ATR: variants seen among roughly 807,000 people sequenced by gnomAD.
ATR encodes ATR checkpoint kinase.
ATR carries 142 observed loss-of-function variants against 305.3 expected under a neutral mutation model. The ratio of observed to expected loss-of-function variants is 0.47; its 90% CI spans 0.41 to 0.53. The LOEUF (loss-of-function observed/expected upper bound fraction) is 0.53, where lower values mean the gene tolerates loss of function less well. Among genes scored for constraint, ATR ranks in the 20% least tolerant of loss-of-function variants. The probability of loss-of-function intolerance (pLI) is 0.00; values close to 1 mark genes in which losing one functional copy is unlikely to be tolerated. For missense variants in ATR, 2,135 were observed against 3,133.1 expected (o/e 0.68, Z 7.60); for synonymous variants, 1,050 against 1,068.1 (o/e 0.98, Z 0.33).
chr3:142,478,521 GT>G (rs1202497486), intron 36 of ATR, among the ~76,000 whole-genome samples: 1 of 152,022 alleles, frequency 6.6e-6, no homozygotes, highest in Non-Finnish European at 1.5e-5. Flanking sequence ...TATGTGGTCA[GT>G]TTTGGAATAG....
chr3:142,572,626 T>A (rs1260333454), intron 1 of ATR, among the ~76,000 whole-genome samples: 2 of 151,336 alleles, frequency 1.3e-5, no homozygotes, highest in Non-Finnish European at 2.9e-5. Context: ...AATAGAAAAA[T>A]GAGCAGGTAT....
rs543176758 is a variant in ATR, at chr3:142,569,839, G to A, written c.60-1685C>T. 1.0e-3 allele frequency among the ~76,000 whole-genome samples: 158 copies of A among 151,714 alleles called. 1 individual carries two copies. The highest frequency in any genetic ancestry group is 3.6e-3 in the African/African-American group (149 of 41,314). ...TTTTTTGTATTTTAGTAGAGATGGG[G>A]TTTTACCATGTTGGCCAGGATGGTC... On this transcript the variant is annotated intron_variant, in intron 1 of 46. Coordinates refer to ENST00000350721, the MANE Select transcript of ATR (RefSeq NM_001184.4).
At chr3:142,481,902 A>G (rs1434206880) in intron 36 of ATR, among the ~76,000 whole-genome samples, 2 of 151,586 alleles carry the variant, frequency 1.3e-5, no homozygotes, top group African/African-American at 4.8e-5. Context: ...AGCTCTCCGC[A>G]ATCTCCACCT....
At position 142,521,468 on chromosome 3, in the gene ATR, G is replaced by C. The variant is rs146824626; in HGVS notation, c.4266+1260C>G. ...GAAATACATTTTATAAGGTTATAGC[G>C]GCCACAGATAGTAATTCCTCTGATG... On this transcript the variant is annotated intron_variant, in intron 23 of 46. Transcript: ENST00000350721. Among the ~76,000 whole-genome samples the C allele has an allele frequency of 9.1e-3, 1,389 of 152,170 alleles. 14 individuals are homozygous for C. Among genetic ancestry groups the C allele is most frequent in the Admixed American group, 0.014 (213 of 15,286 alleles).
chr3:142,543,836 A>AT (rs1443600731), intron 16 of ATR, among the ~76,000 whole-genome samples: 3 of 151,790 alleles, frequency 2.0e-5, no homozygotes, highest in East Asian at 2.0e-4. Context: ...CGCCCAGCTA[A>AT]TTTTTTGTAT....
chr3:142,572,495 G>A (rs940029034), intron 1 of ATR, among the ~76,000 whole-genome samples: 4 of 149,790 alleles, frequency 2.7e-5, no homozygotes, highest in Non-Finnish European at 5.9e-5. Flanking sequence ...GATACTGGTC[G>A]GGCATGGTAG....
Position 142,536,114 on chromosome 3 carries a change from G to A in ATR, c.3813C>T (p.Tyr1271=), listed in dbSNP as rs1272938583. 5 of 1,560,392 alleles carry A rather than the reference G, an allele frequency of 3.2e-6. No homozygotes were observed. Among genetic ancestry groups the A allele is most frequent in the Admixed American group, 1.7e-5 (1 of 59,784 alleles). Residue 1271 remains tyrosine (Y), a synonymous_variant, in exon 20 of 47, where the codon TAC becomes TAT. Coordinates refer to ENST00000350721, the MANE Select transcript of ATR (RefSeq NM_001184.4). ...LKKIKAVLQE[Y]RKETSESTDL... The stretch of plus-strand genomic sequence containing the variant: ...CAAATTAAAAATTAAATACCTTTCT[G>A]TATTCCTGGAGAACGGCTTTTATCT...
Position 142,562,256 on chromosome 3 carries a change from C to G in ATR, c.1146G>C (p.Val382=). 1 of 1,614,014 alleles carries G rather than the reference C, an allele frequency of 6.2e-7. No individual in the cohort carries two copies. Among genetic ancestry groups the G allele is most frequent in the Non-Finnish European group, 8.5e-7 (1 of 1,179,968 alleles). The change falls in exon 4 of 47, where the codon GTG becomes GTC. Residue 382 remains valine, a synonymous_variant. Transcript: ENST00000350721. The stretch of plus-strand genomic sequence containing the variant: ...CCTCTGCATCTACCTCAATTCCAAG[C>G]ACATCCAAAAGAGCTTTACAAATAT... The part of the protein sequence containing the change: ...VRNICKALLD[V]LGIEVDAEYL...
At chr3:142,527,102 T>C (rs1480262265) in intron 21 of ATR, among the ~76,000 whole-genome samples, 2 of 152,230 alleles carry the variant, frequency 1.3e-5, no homozygotes, top group Non-Finnish European at 2.9e-5. Flanking sequence ...GGTGTTTTCT[T>C]AATGTGAAAT....
intron 25 of ATR, 148 bp from the exon 26 acceptor site, chr3:142,513,786 G>A (rs886953172): frequency 3.4e-6 from 3 of 886,874 alleles, no homozygotes; most frequent in Non-Finnish European, 4.9e-6. Context: ...AATTATTTGG[G>A]GTTAAAGTCA....
At chr3:142,452,779 C>T in intron 46 of ATR, 1 of 1,116,934 alleles carries the variant, frequency 9.0e-7, no homozygotes, top group Non-Finnish European at 1.1e-6. Flanking sequence ...GTTAACATAG[C>T]TTGTGACATA....
intron 27 of ATR, among the ~76,000 whole-genome samples, chr3:142,509,227 C>T (rs1249015403): frequency 6.6e-6 from 1 of 152,094 alleles, no homozygotes; most frequent in Non-Finnish European, 1.5e-5. Context: ...AGTGCAGTGG[C>T]AAGATCATAG....
In ATR at chr3:142,553,243, T is replaced by C. The variant is rs2034541983; in HGVS notation, c.2789A>G (p.Lys930Arg). 6.2e-7 allele frequency: 1 copy of C among 1,614,082 alleles called. No individual in the cohort carries two copies. Among genetic ancestry groups the C allele is most frequent in the South Asian group, 1.1e-5 (1 of 91,090 alleles). Residue 930 changes from lysine to arginine, a missense_variant, in exon 13 of 47, where the codon AAG (lysine) becomes AGG (arginine). Physicochemically the swap from Lys to Arg is conservative, Grantham distance 26. Around this residue, in one of 9 missense-constraint regions of ATR, gnomAD observed 530 missense variants for 766.8 expected, o/e 0.69. Coordinates refer to ENST00000350721, the MANE Select transcript of ATR (RefSeq NM_001184.4). The stretch of plus-strand genomic sequence containing the variant: ...GACTCTTACCTGACAGATGGGTTTC[T>C]TATACTGGCTGAAAAAACTTTGCAG... ...VKLQSFFSQYKKPICQFLVES... is the reference protein window; with the variant it reads ...VKLQSFFSQYRKPICQFLVES...
chr3:142,560,538 C>T, intron 5 of ATR, 84 bp from the exon 6 acceptor site: 5 of 1,342,790 alleles, frequency 3.7e-6, no homozygotes, highest in South Asian at 2.5e-5. Flanking sequence ...ATAAAACATA[C>T]TATGTAATAT....
rs771371223 is a variant in ATR at position 142,497,051 on chromosome 3, G to A, written c.5700C>T (p.Ile1900=). 1 of 1,613,550 alleles carries A rather than the reference G, an allele frequency of 6.2e-7. No individual in the cohort carries two copies. The highest frequency in any genetic ancestry group is 1.1e-5 in the South Asian group (1 of 90,960). ...TQNSYRAKEP[I]LALRRALLSL... ...TTAGTAAAGCCCTCCGGAGAGCCAG[G>A]ATAGGCTCCTTGGCTCTGTAGGAAT... Residue 1900 remains isoleucine (I), a synonymous_variant, in exon 33 of 47, where the codon ATC becomes ATT. Transcript: ENST00000350721.
intron 1 of ATR, among the ~76,000 whole-genome samples, chr3:142,572,219 G>C (rs1237479152): frequency 1.3e-5 from 2 of 151,676 alleles, no homozygotes; most frequent in Non-Finnish European, 2.9e-5. Flanking sequence ...ACAGGCACGT[G>C]CCACCACGCC....
intron 2 of ATR, among the ~76,000 whole-genome samples, chr3:142,567,127 C>G (rs1340557224): frequency 6.6e-6 from 1 of 152,076 alleles, no homozygotes; most frequent in African/African-American, 2.4e-5. Context: ...ACATGTACTT[C>G]AGGAATAATA....
chr3:142,503,236 T>G, intron 30 of ATR, 126 bp downstream of exon 30: 1 of 675,662 alleles, frequency 1.5e-6, no homozygotes, highest in Non-Finnish European at 2.5e-6. Context: ...TTGGTGCTTA[T>G]CTCCAATACC....
rs766350941 is a variant in ATR at position 142,512,410 on chromosome 3, C to A, written c.4702G>T (p.Asp1568Tyr). ...AGTTGACACAGATCAGATGCAATGTCTTGGGTATTTATGGTATGCTGATCG... is the reference window on the plus strand; with the variant it reads ...AGTTGACACAGATCAGATGCAATGTATTGGGTATTTATGGTATGCTGATCG... The part of the protein sequence containing the change: ...HDDQHTINTQ[D>Y]IASDLCQLST... Residue 1568 changes from aspartate to tyrosine, a missense_variant, in exon 27 of 47, where the codon GAC becomes TAC. Coordinates refer to ENST00000350721, the MANE Select transcript of ATR (RefSeq NM_001184.4). 1 of 1,613,730 alleles carries A rather than the reference C, an allele frequency of 6.2e-7. No homozygotes were observed. The highest frequency in any genetic ancestry group is 1.3e-5 in the African/African-American group (1 of 74,870).
Sources: allele counts gnomAD v4.1 joint callset (sites outside exome capture counted in the v4.1 genomes callset), GRCh38; gene constraint gnomAD v4.1.1; regional missense constraint gnomAD v4.1.1; transcripts MANE v1.5; gene names NCBI Gene and HGNC (gene_info 2026-07-23, HGNC 2026-07-21).